The following MAP2K3 variants were observed in gnomAD, a reference collection of about 807,000 sequenced individuals.
The protein encoded by MAP2K3 is dual specificity mitogen-activated protein kinase kinase 3.
A neutral mutation model predicts 46.4 loss-of-function variants in MAP2K3; 30 were observed. The ratio of observed to expected loss-of-function variants is 0.65; its 90% CI spans 0.48 to 0.88. The LOEUF (loss-of-function observed/expected upper bound fraction) is 0.88. Ranked by LOEUF, MAP2K3 falls within the 40% of genes least tolerant of loss-of-function variation. The pLI is 0.00. For synonymous variants in MAP2K3, 189 were observed against 176.3 expected, an observed-to-expected ratio of 1.07 and a Z score of -0.57; for missense variants, 380 against 464.5, an observed-to-expected ratio of 0.82 and a Z score of 1.67.
In MAP2K3 at chr17:21,313,826, A is replaced by C. The variant is rs1416654938; in HGVS notation, c.960+289A>C. ...GGCTTCATGGAGGAGGTACCATTTGAACTGAGCCTGGAAGGATGAATAAGG... is the reference window on the plus strand; with the variant it reads ...GGCTTCATGGAGGAGGTACCATTTGCACTGAGCCTGGAAGGATGAATAAGG... On this transcript the variant is annotated intron_variant, in intron 11 of 11. Transcript: ENST00000342679. 8.7e-6 allele frequency: 5 copies of C among 575,282 alleles called. No homozygotes were observed. The Admixed American group carries it at 1.5e-4, about 17-fold the overall frequency. The allele number at this position is 575,282 out of a possible 1,614,324, so 35.6% of individuals were successfully genotyped here.
chr17:21,300,066 G>A (rs1292634092), intron 3 of MAP2K3, among the ~76,000 whole-genome samples: 1 of 152,312 alleles, frequency 6.6e-6, no homozygotes, highest in Non-Finnish European at 1.5e-5. Context: ...ACCATCTGCT[G>A]TCCTGTTCAT....
intron 2 of MAP2K3, 43 bp from the exon 3 acceptor site, chr17:21,298,835 G>T (rs1976420257): frequency 6.2e-7 from 1 of 1,614,174 alleles, no homozygotes; most frequent in African/African-American, 1.3e-5. Flanking sequence ...TTGGGGAAGG[G>T]TGTGGTTCTC....
intron 1 of MAP2K3, among the ~76,000 whole-genome samples, chr17:21,285,795 G>A (rs921113042): frequency 6.6e-6 from 1 of 152,208 alleles, no homozygotes; most frequent in African/African-American, 2.4e-5. Flanking sequence ...CAAGGGATTT[G>A]CTCTTCTCCA....
intron 7 of MAP2K3, 136 bp from the exon 8 acceptor site, chr17:21,304,289 GC>G: frequency 6.7e-7 from 1 of 1,492,962 alleles, no homozygotes; most frequent in Non-Finnish European, 9.2e-7. Flanking sequence ...GGACCCTGGT[GC>G]AACCTGCCCA....
At chr17:21,295,702 T>C (rs1226803969) in intron 1 of MAP2K3, 5 of 1,289,504 alleles carry the variant, frequency 3.9e-6, no homozygotes, top group Non-Finnish European at 4.0e-6. Flanking sequence ...CCAGTCCATA[T>C]ACCACCCAGG....
At chr17:21,300,453 C>A in intron 3 of MAP2K3, 92 bp from the exon 4 acceptor site, 1 of 1,321,112 alleles carries the variant, frequency 7.6e-7, no homozygotes, top group Non-Finnish European at 1.1e-6. Flanking sequence ...ATCAGCTGGT[C>A]CTCTTCATGC....
At chr17:21,293,835 A>C (rs867483820) in intron 1 of MAP2K3, among the ~76,000 whole-genome samples, 1 of 152,306 alleles carries the variant, frequency 6.6e-6, no homozygotes, top group East Asian at 1.9e-4. Context: ...TGGAGCAGGC[A>C]CTTGGTTAGA....
intron 2 of MAP2K3, 152 bp downstream of exon 2, chr17:21,298,631 C>T (rs1029311203): frequency 2.6e-5 from 35 of 1,328,004 alleles, no homozygotes; most frequent in Non-Finnish European, 3.5e-5. Flanking sequence ...GTGACGGCTG[C>T]TGGGGGTTCA....
intron 1 of MAP2K3, among the ~76,000 whole-genome samples, chr17:21,294,416 G>A (rs1273807258): frequency 6.6e-6 from 1 of 152,310 alleles, no homozygotes; most frequent in Non-Finnish European, 1.5e-5. Context: ...CGGAGCAGGG[G>A]CTGCAAGGAG....
intron 9 of MAP2K3, 57 bp from the exon 10 acceptor site, chr17:21,312,085 G>T (rs1977187885): frequency 2.1e-6 from 3 of 1,456,418 alleles, no homozygotes; most frequent in South Asian, 2.9e-5. Context: ...TCGCTCCTGG[G>T]TGCAGAGCGT....
At chr17:21,298,828 G>T in intron 2 of MAP2K3, 50 bp from the exon 3 acceptor site, 1 of 1,613,998 alleles carries the variant, frequency 6.2e-7, no homozygotes, top group Non-Finnish European at 8.5e-7. Context: ...GCTGCACTTG[G>T]GGAAGGGTGT....
At chr17:21,291,346 T>TACAACACAACACAAC (rs71160134) in intron 1 of MAP2K3, 124,001 of 342,694 alleles carry the variant, frequency 0.36, 24,317 homozygotes, top group South Asian at 0.43. Context: ...TACAATACAA[T>TACAACACAACACAAC]ACAACACAAC....
intron 5 of MAP2K3, among the ~76,000 whole-genome samples, chr17:21,301,232 G>C (rs1056475403): frequency 6.6e-6 from 1 of 152,310 alleles, no homozygotes; most frequent in Non-Finnish European, 1.5e-5. Context: ...AAACGACATG[G>C]CCTGGGGCCT....
chr17:21,295,642 G>C, intron 1 of MAP2K3: 1 of 1,289,326 alleles, frequency 7.8e-7, no homozygotes, highest in South Asian at 1.2e-5. Context: ...GGAGCCTGTG[G>C]CCCTCCTGAT....
chr17:21,304,384 C>A lies in MAP2K3; in HGVS notation c.569-42C>A, dbSNP rs200092058. On this transcript the variant is annotated intron_variant, in intron 7 of 11. Transcript: ENST00000342679. ...GCAGAGCATGGCACCTGCCTCCAGT[C>A]GTGCTCCACAGACGTGGCTGAGGCA... The A allele has an allele frequency of 7.9e-5, 128 of 1,613,984 alleles. No homozygotes were observed. The African/African-American group carries it at 1.4e-3, about 18-fold the overall frequency.
At chr17:21,306,392 G>A (rs1976891853) in intron 9 of MAP2K3, among the ~76,000 whole-genome samples, 1 of 152,286 alleles carries the variant, frequency 6.6e-6, no homozygotes. Flanking sequence ...GGGGAGGGGT[G>A]TGAGTGTGGG....
intron 6 of MAP2K3, 57 bp from the exon 7 acceptor site, chr17:21,303,126 G>A (rs1208748242): frequency 1.2e-6 from 2 of 1,610,694 alleles, no homozygotes; most frequent in Non-Finnish European, 1.7e-6. Context: ...TGTCGTTTTT[G>A]ACGTGACCAG....
At chr17:21,294,041 G>T (rs907278922) in intron 1 of MAP2K3, among the ~76,000 whole-genome samples, 1 of 152,312 alleles carries the variant, frequency 6.6e-6, no homozygotes, top group Admixed American at 6.5e-5. Flanking sequence ...CTGGCAGGTC[G>T]CAGCCAAACA....
At chr17:21,303,742 T>A (rs1324376075) in intron 7 of MAP2K3, among the ~76,000 whole-genome samples, 3 of 152,310 alleles carry the variant, frequency 2.0e-5, no homozygotes, top group African/African-American at 7.2e-5. Flanking sequence ...TCTCAGTTTG[T>A]TCCTTTTTGC....
Sources: allele counts gnomAD v4.1 joint callset (sites outside exome capture counted in the v4.1 genomes callset), GRCh38; gene constraint gnomAD v4.1.1; transcripts MANE v1.5; gene names NCBI Gene and HGNC (gene_info 2026-07-23, HGNC 2026-07-21).